Variants in DPP6 observed in about 807,000 individuals in gnomAD.
The protein encoded by DPP6 is dipeptidyl peptidase like 6.
In DPP6, 69 loss-of-function variants were observed where a neutral mutation model predicts 122.6. The ratio of observed to expected loss-of-function variants is 0.56; its 90% CI spans 0.46 to 0.69. The LOEUF is 0.69. Ranked by LOEUF, DPP6 falls within the 30% of genes least tolerant of loss-of-function variation. DPP6 has a pLI of 0.00. For synonymous variants in DPP6, 418 were observed against 433.1 expected (o/e 0.97, Z 0.43); for missense variants, 928 against 1,116.9 (o/e 0.83, Z 2.41).
chr7:153,998,843 A>G (rs1797562912), intron 1 of DPP6, among the ~76,000 whole-genome samples: 1 of 152,260 alleles, frequency 6.6e-6, no homozygotes, highest in Non-Finnish European at 1.5e-5. Flanking sequence ...ACCCCAGACT[A>G]AAGTGCTAAG....
At position 154,863,008 on chromosome 7, in the gene DPP6, C is replaced by T. The variant is rs1345954124; in HGVS notation, c.1715-4987C>T. 6.6e-6 allele frequency among the ~76,000 whole-genome samples: 1 copy of T among 152,156 alleles called. No homozygotes were observed. The highest frequency in any genetic ancestry group is 1.5e-5 in the Non-Finnish European group (1 of 68,038). On this transcript the variant is annotated intron_variant, in intron 17 of 25. Transcript: ENST00000377770. The surrounding 1 kb of genome is among the most constrained non-coding windows in gnomAD (Gnocchi z 4.1). ...TGACCTCCTGGGCTCAAGCAATCCT[C>T]CCACCTCAGCCCCACAAGTAGCTGG...
chr7:154,279,076 A>ATG (rs1804332674), intron 1 of DPP6, among the ~76,000 whole-genome samples: 1 of 144,838 alleles, frequency 6.9e-6, no homozygotes. Context: ...TGTGCAGCTG[A>ATG]TGTGTGTGTG....
chr7:154,035,867 A>G (rs1335174897), intron 1 of DPP6, among the ~76,000 whole-genome samples: 1 of 152,004 alleles, frequency 6.6e-6, no homozygotes, highest in African/African-American at 2.4e-5. Flanking sequence ...TAGGAGAGCA[A>G]CTCTCCTTGA....
chr7:154,668,959 A>G (rs901495807), intron 6 of DPP6, among the ~76,000 whole-genome samples: 1 of 152,180 alleles, frequency 6.6e-6, no homozygotes, highest in Non-Finnish European at 1.5e-5. Context: ...CCTGCGTTAT[A>G]CCTAGAAAAA....
At chr7:154,186,101 T>C (rs1269482519) in intron 1 of DPP6, among the ~76,000 whole-genome samples, 2 of 152,200 alleles carry the variant, frequency 1.3e-5, no homozygotes, top group Non-Finnish European at 2.9e-5. Flanking sequence ...TACCCATCAG[T>C]GAAGTGAGTG....
chr7:153,924,473 A>T (rs1423094215), intron 1 of DPP6, among the ~76,000 whole-genome samples: 1 of 152,118 alleles, frequency 6.6e-6, no homozygotes, highest in African/African-American at 2.4e-5. Context: ...GACAATGATG[A>T]TGAAAGTTGT....
chr7:154,726,656 A>G (rs990412303), intron 7 of DPP6, among the ~76,000 whole-genome samples: 1 of 152,098 alleles, frequency 6.6e-6, no homozygotes, highest in Non-Finnish European at 1.5e-5. Context: ...CGTTTTCCTT[A>G]TTGTCTTGGT....
chr7:154,587,991 C>A (rs545704999), intron 5 of DPP6: 3 of 1,612,804 alleles, frequency 1.9e-6, no homozygotes, highest in Admixed American at 1.7e-5. Context: ...CATTGTCATA[C>A]GAGTGTGGCA....
At chr7:153,997,766 C>G (rs1797515298) in intron 1 of DPP6, among the ~76,000 whole-genome samples, 1 of 148,748 alleles carries the variant, frequency 6.7e-6, no homozygotes, top group Admixed American at 6.6e-5. Flanking sequence ...ACATGCAGCA[C>G]TGCTGTTCGG....
intron 7 of DPP6, among the ~76,000 whole-genome samples, chr7:154,680,723 T>C (rs898576408): frequency 4.6e-5 from 7 of 151,960 alleles, no homozygotes; most frequent in African/African-American, 1.7e-4. Flanking sequence ...GAAGAAAATG[T>C]ATTGTTAAAA....
At chr7:154,412,322 G>A (rs1325400244) in intron 1 of DPP6, among the ~76,000 whole-genome samples, 1 of 152,162 alleles carries the variant, frequency 6.6e-6, no homozygotes, top group Non-Finnish European at 1.5e-5. Context: ...AAGTCCAAAG[G>A]CAAATGAACC....
intron 6 of DPP6, among the ~76,000 whole-genome samples, chr7:154,644,930 C>G (rs1305223273): frequency 6.6e-6 from 1 of 151,958 alleles, no homozygotes; most frequent in Non-Finnish European, 1.5e-5. Flanking sequence ...AGGGTAGTCT[C>G]GAACTCCTGA....
rs4960562 is a variant in DPP6 at position 154,893,197 on chromosome 7, G to C, written c.*717G>C. ...TCTCCAGTCCACGTGTAGACTTTGC[G>C]CTTGATGAAGAAGCAGATCGGAAGT... On this transcript the variant is annotated 3_prime_UTR_variant, in exon 26 of 26. Coordinates refer to ENST00000377770, the MANE Select transcript of DPP6 (RefSeq NM_130797.4). 1.5e-5 allele frequency: 4 copies of C among 264,362 alleles called. No homozygotes were observed. Among genetic ancestry groups the C allele is most frequent in the African/African-American group, 1.1e-4 (4 of 36,112 alleles). The allele number at this position is 264,362 out of a possible 1,614,324, so 16.4% of individuals were successfully genotyped here. A position where few individuals can be genotyped will look rare whatever the true frequency, so the allele number is the denominator to read the frequency against.
At chr7:154,383,748 G>A (rs1418810352) in intron 1 of DPP6, among the ~76,000 whole-genome samples, 1 of 151,982 alleles carries the variant, frequency 6.6e-6, no homozygotes, top group East Asian at 1.9e-4. Flanking sequence ...AAATTAGCCA[G>A]GCATGGTGGT....
intron 7 of DPP6, among the ~76,000 whole-genome samples, chr7:154,696,734 A>T (rs180811775): frequency 2.1e-3 from 320 of 152,306 alleles, no homozygotes; most frequent in Non-Finnish European, 3.6e-3. Flanking sequence ...GCTTATGAGG[A>T]TGTGACTCAT....
intron 1 of DPP6, among the ~76,000 whole-genome samples, chr7:154,276,534 A>C (rs966591841): frequency 6.6e-6 from 1 of 152,252 alleles, no homozygotes; most frequent in African/African-American, 2.4e-5. Context: ...TGATAAGGTC[A>C]AGAATGCAAA....
At chr7:154,518,097 T>C (rs1186816414) in intron 3 of DPP6, among the ~76,000 whole-genome samples, 1 of 152,220 alleles carries the variant, frequency 6.6e-6, no homozygotes, top group African/African-American at 2.4e-5. Context: ...AAAAACAATG[T>C]CTTGTACCGC....
At chr7:154,030,816 A>G (rs998118120) in intron 1 of DPP6, among the ~76,000 whole-genome samples, 1 of 152,122 alleles carries the variant, frequency 6.6e-6, no homozygotes, top group African/African-American at 2.4e-5. Context: ...ATCTGCTGCC[A>G]ACATCTACCC....
chr7:153,882,106 A>AT (rs1200168766), upstream of DPP6, among the ~76,000 whole-genome samples: 1 of 152,238 alleles, frequency 6.6e-6, no homozygotes, highest in African/African-American at 2.4e-5. Context: ...AATGATTGAG[A>AT]GAAGCTAAAA....
Sources: gnomAD v4.1 joint callset for allele counts (sites outside exome capture counted in the v4.1 genomes callset) on GRCh38, gnomAD v4.1.1 for gene constraint, Gnocchi (gnomAD v3.1) non-coding constraint, MANE v1.5 for transcripts, NCBI Gene and HGNC (gene_info 2026-07-23, HGNC 2026-07-21) for gene names.